Variants in ADGRG6 observed in about 807,000 individuals in gnomAD.
ADGRG6 encodes adhesion G protein-coupled receptor G6.
In ADGRG6, 84 loss-of-function variants were observed where a neutral mutation model predicts 142.4. The observed-to-expected ratio is 0.59, with a 90% CI of 0.49 to 0.71. ADGRG6 has a LOEUF of 0.71. ADGRG6 is among the 30% of genes least tolerant of loss of function. ADGRG6 has a pLI of 0.00. For synonymous variants in ADGRG6, 521 were observed against 520.5 expected (o/e 1.00, Z -0.01); for missense variants, 1,367 against 1,466.6 (o/e 0.93, Z 1.11).
At chr6:142,397,156 T>C (rs944111467) in intron 9 of ADGRG6, among the ~76,000 whole-genome samples, 2 of 152,114 alleles carry the variant, frequency 1.3e-5, no homozygotes, top group East Asian at 3.8e-4. Context: ...ACTTTTATAG[T>C]GTTAGTAAAT....
At chr6:142,436,717 G>A (rs959386586) in intron 22 of ADGRG6, among the ~76,000 whole-genome samples, 6 of 152,160 alleles carry the variant, frequency 3.9e-5, no homozygotes, top group African/African-American at 1.4e-4. Flanking sequence ...GATGCCTCAA[G>A]GAGAGGTTTA....
chr6:142,426,696 G>A (rs1776964451), intron 22 of ADGRG6, among the ~76,000 whole-genome samples: 1 of 152,170 alleles, frequency 6.6e-6, no homozygotes, highest in African/African-American at 2.4e-5. Flanking sequence ...CCCTAGCGGA[G>A]GTTCTCCATG....
At chr6:142,343,581 T>C (rs988735908) in intron 2 of ADGRG6, among the ~76,000 whole-genome samples, 3 of 151,894 alleles carry the variant, frequency 2.0e-5, no homozygotes, top group Non-Finnish European at 4.4e-5. Context: ...AGATAAAATA[T>C]AGTTTTTACA....
chr6:142,303,285 A>G (rs1339011305), intron 1 of ADGRG6, among the ~76,000 whole-genome samples: 2 of 152,140 alleles, frequency 1.3e-5, no homozygotes, highest in African/African-American at 4.8e-5. Context: ...TGGATCTTAC[A>G]TGAATTTACT....
intron 1 of ADGRG6, among the ~76,000 whole-genome samples, chr6:142,306,637 G>A (rs73576346): frequency 0.039 from 5,924 of 152,112 alleles, 349 homozygotes; most frequent in African/African-American, 0.13. Flanking sequence ...GCTGTCTTCA[G>A]TAGAACTTTA....
chr6:142,373,375 CATATTTGTTTCAAACAAATA>C (rs138474506), intron 4 of ADGRG6, among the ~76,000 whole-genome samples: 281 of 151,868 alleles, frequency 1.9e-3, no homozygotes, highest in Admixed American at 2.7e-3. Context: ...AGTGTGTTAA[CATATTTGTTTCAAACAAATA>C]ATATTTGTTT....
At chr6:142,432,513 C>T (rs1231934134) in intron 22 of ADGRG6, among the ~76,000 whole-genome samples, 1 of 151,958 alleles carries the variant, frequency 6.6e-6, no homozygotes, top group Non-Finnish European at 1.5e-5. Flanking sequence ...AATTTTGTTC[C>T]ATAGCGTCAC....
intron 18 of ADGRG6, among the ~76,000 whole-genome samples, chr6:142,414,382 T>G (rs1420918839): frequency 6.6e-6 from 1 of 152,120 alleles, no homozygotes; most frequent in Non-Finnish European, 1.5e-5. Context: ...CCCCCAAAAG[T>G]CTTAATGGCA....
chr6:142,397,241 T>TA (rs146127637), intron 9 of ADGRG6, among the ~76,000 whole-genome samples: 2,536 of 151,860 alleles, frequency 0.017, 73 homozygotes, highest in African/African-American at 0.057. Flanking sequence ...ATAGTTTTAT[T>TA]AAAAAAAATT....
At chr6:142,332,492 C>CTT (rs11314004) in intron 2 of ADGRG6, among the ~76,000 whole-genome samples, 6 of 141,700 alleles carry the variant, frequency 4.2e-5, no homozygotes, top group Non-Finnish European at 7.7e-5. Context: ...ATGTTTTTTG[C>CTT]TTTTTTTTTT....
intron 2 of ADGRG6, among the ~76,000 whole-genome samples, chr6:142,309,969 T>C (rs1410089799): frequency 2.0e-5 from 3 of 151,900 alleles, no homozygotes; most frequent in Non-Finnish European, 4.4e-5. Context: ...CTGTTTCTTC[T>C]ACTGTTGAAT....
intron 4 of ADGRG6, among the ~76,000 whole-genome samples, chr6:142,376,235 G>A (rs12110403): frequency 6.6e-5 from 10 of 152,192 alleles, no homozygotes; most frequent in Admixed American, 3.3e-4. Flanking sequence ...GCTGATGTCC[G>A]TCAATTTTCA....
At chr6:142,442,753 G>A (rs1247616616) in intron 24 of ADGRG6, among the ~76,000 whole-genome samples, 1 of 151,898 alleles carries the variant, frequency 6.6e-6, no homozygotes, top group African/African-American at 2.4e-5. Flanking sequence ...GTTCAAAGTA[G>A]CATTTCATAT....
At chr6:142,328,722 A>G (rs1285539495) in intron 2 of ADGRG6, among the ~76,000 whole-genome samples, 1 of 152,186 alleles carries the variant, frequency 6.6e-6, no homozygotes, top group Admixed American at 6.5e-5. Flanking sequence ...TAGAAATGCA[A>G]ATCCTTGGGC....
At chr6:142,394,580 A>ATT (rs5880532) in intron 9 of ADGRG6, among the ~76,000 whole-genome samples, 194 of 132,972 alleles carry the variant, frequency 1.5e-3, no homozygotes, top group South Asian at 1.9e-3. Context: ...ATCTCTGTAG[A>ATT]TTTTTTTTTT....
chr6:142,305,027 T>C (rs1279148010), intron 1 of ADGRG6, among the ~76,000 whole-genome samples: 1 of 152,194 alleles, frequency 6.6e-6, no homozygotes, highest in Non-Finnish European at 1.5e-5. Context: ...GACAAAAGTT[T>C]AACATATTTA....
In ADGRG6 at chr6:142,420,716, C is replaced by G. The variant is rs564348836; in HGVS notation, c.3319+612C>G. Among the ~76,000 whole-genome samples the G allele has an allele frequency of 2.6e-5, 4 of 152,196 alleles. No individual in the cohort carries two copies. In the South Asian group the frequency reaches 8.3e-4, roughly 32 times the overall value. On this transcript the variant is annotated intron_variant, in intron 22 of 24. Transcript: ENST00000367609. The stretch of plus-strand genomic sequence containing the variant: ...AATGGTCTGCTTTGCATAAAAATAC[C>G]AGGCTTCCTTCAAAGAGCTTGCAGT...
intron 18 of ADGRG6, among the ~76,000 whole-genome samples, chr6:142,413,881 C>A (rs1056464112): frequency 7.1e-6 from 1 of 141,786 alleles, no homozygotes; most frequent in African/African-American, 2.7e-5. Context: ...AAACCTGAAA[C>A]TAACCCACAT....
At chr6:142,439,517 G>C (rs1777641250) in intron 24 of ADGRG6, among the ~76,000 whole-genome samples, 1 of 152,118 alleles carries the variant, frequency 6.6e-6, no homozygotes, top group Admixed American at 6.5e-5. Flanking sequence ...TACATGCCCT[G>C]TTTGCACCGT....
Sources: gnomAD v4.1 joint callset for allele counts (sites outside exome capture counted in the v4.1 genomes callset) on GRCh38, gnomAD v4.1.1 for gene constraint, MANE v1.5 for transcripts, NCBI Gene and HGNC (gene_info 2026-07-23, HGNC 2026-07-21) for gene names.